The following ASPH variants were observed in gnomAD, a reference collection of about 807,000 sequenced individuals.
ASPH encodes the protein aspartyl/asparaginyl beta-hydroxylase.
In ASPH, 100 loss-of-function variants were observed where a neutral mutation model predicts 118.4. That is an observed-to-expected ratio of 0.84 (90% CI 0.72 to 1.00). The LOEUF (loss-of-function observed/expected upper bound fraction) is 1.00, where lower values mean the gene tolerates loss of function less well. ASPH is among the 50% of genes least tolerant of loss of function. ASPH has a pLI of 0.00. For missense variants in ASPH, 920 were observed against 919.5 expected (o/e 1.00, Z -0.01); for synonymous variants, 315 against 325.6 (o/e 0.97, Z 0.35).
chr8:61,508,585 A>G (rs1807562763), intron 24 of ASPH, among the ~76,000 whole-genome samples: 1 of 152,228 alleles, frequency 6.6e-6, no homozygotes, highest in Non-Finnish European at 1.5e-5. Flanking sequence ...TATAGATAAT[A>G]TCTTAGCTAT....
At chr8:61,633,542 A>G in intron 13 of ASPH, 141 bp downstream of exon 13, 1 of 690,190 alleles carries the variant, frequency 1.4e-6, no homozygotes, top group Non-Finnish European at 2.3e-6. Flanking sequence ...ACTGATCAAA[A>G]CAGAAAAATT....
chr8:61,506,807 A>T (rs1462206909), intron 24 of ASPH, among the ~76,000 whole-genome samples: 1 of 152,234 alleles, frequency 6.6e-6, no homozygotes, highest in Non-Finnish European at 1.5e-5. Context: ...GTGGTATGTT[A>T]TCAAAAATGA....
intron 16 of ASPH, among the ~76,000 whole-genome samples, chr8:61,568,735 A>G (rs1832588372): frequency 6.6e-6 from 1 of 152,202 alleles, no homozygotes; most frequent in Non-Finnish European, 1.5e-5. Context: ...AAAGAACTCC[A>G]ATGTTTAAAG....
intron 7 of ASPH, 50 bp from the exon 8 acceptor site, chr8:61,644,051 T>G (rs746504535): frequency 7.3e-7 from 1 of 1,377,422 alleles, no homozygotes; most frequent in Non-Finnish European, 1.0e-6. Flanking sequence ...AAGGAATACA[T>G]GTAATATTCG....
intron 14 of ASPH, chr8:61,607,305 C>T: frequency 1.4e-6 from 1 of 702,088 alleles, no homozygotes; most frequent in African/African-American, 1.7e-5. Context: ...TGGCTTTCAC[C>T]AGACGCAAAT....
At chr8:61,644,666 CT>C in intron 6 of ASPH, 34 bp from the exon 7 acceptor site, 1 of 1,544,648 alleles carries the variant, frequency 6.5e-7, no homozygotes, top group Non-Finnish European at 8.8e-7. Context: ...ATATTTACTG[CT>C]TTTACAAAAT....
At chr8:61,585,783 G>A (rs1402571953) in intron 14 of ASPH, among the ~76,000 whole-genome samples, 20 of 152,102 alleles carry the variant, frequency 1.3e-4, no homozygotes, top group Admixed American at 1.3e-3. Context: ...GAGGAGGGAA[G>A]GCTGTGTGGT....
At chr8:61,545,947 C>T (rs573737949) in intron 21 of ASPH, among the ~76,000 whole-genome samples, 1 of 152,294 alleles carries the variant, frequency 6.6e-6, no homozygotes, top group East Asian at 1.9e-4. Context: ...GAGAGGTACA[C>T]CCTCTCTCCT....
At chr8:61,637,790 G>A (rs753693537) in intron 12 of ASPH, among the ~76,000 whole-genome samples, 157 bp downstream of exon 12, 6 of 152,206 alleles carry the variant, frequency 3.9e-5, no homozygotes, top group Non-Finnish European at 5.9e-5. Flanking sequence ...TGGAATGCCA[G>A]CCCCAATGAA....
rs543803690 is a variant in ASPH, at chr8:61,646,280, G to C, written c.619+470C>G. On this transcript the variant is annotated intron_variant, in intron 6 of 24. Coordinates refer to ENST00000379454, the MANE Select transcript of ASPH (RefSeq NM_004318.4). ...AGAGTTGAGTAGCTGAACAGAGTCT[G>C]TACGATCCAGAAAACCTGAAATATT... is the stretch of plus-strand genomic sequence containing the variant. Among the ~76,000 whole-genome samples the C allele has an allele frequency of 5.9e-5, 9 of 152,254 alleles. No homozygotes were observed. The East Asian group carries it at 1.2e-3, about 20-fold the overall frequency.
intron 22 of ASPH, among the ~76,000 whole-genome samples, chr8:61,519,356 T>G (rs1431219497): frequency 1.3e-5 from 2 of 152,184 alleles, no homozygotes; most frequent in Admixed American, 6.6e-5. Context: ...TCTGCAAATT[T>G]TTTTCAGATT....
At chr8:61,559,111 A>G (rs1828901880) in intron 18 of ASPH, among the ~76,000 whole-genome samples, 1 of 152,196 alleles carries the variant, frequency 6.6e-6, no homozygotes, top group African/African-American at 2.4e-5. Flanking sequence ...TGATACAGGC[A>G]TACTATGCAT....
At chr8:61,558,243 C>T (rs1828586212) in intron 18 of ASPH, among the ~76,000 whole-genome samples, 1 of 152,038 alleles carries the variant, frequency 6.6e-6, no homozygotes, top group Non-Finnish European at 1.5e-5. Flanking sequence ...TGGGTGGGGC[C>T]AAGCTCTGAA....
chr8:61,662,962 A>C, intron 3 of ASPH: 1 of 985,440 alleles, frequency 1.0e-6, no homozygotes, highest in Non-Finnish European at 1.2e-6. Flanking sequence ...CTTAAAAACT[A>C]AGGTAAAAAT....
intron 14 of ASPH, chr8:61,607,262 T>C (rs1332234931): frequency 1.4e-6 from 1 of 702,376 alleles, no homozygotes; most frequent in African/African-American, 1.7e-5. Context: ...CATGAAAGGA[T>C]GGCTGAAGTC....
intron 3 of ASPH, among the ~76,000 whole-genome samples, chr8:61,676,516 ACAATTTGAC>A (rs982396927): frequency 6.6e-6 from 1 of 152,178 alleles, no homozygotes; most frequent in African/African-American, 2.4e-5. Context: ...AAAGAAAGCC[ACAATTTGAC>A]CAAGCCTCAC....
chr8:61,646,682 G>A (rs1201201383), intron 6 of ASPH, 68 bp downstream of exon 6: 2 of 1,477,222 alleles, frequency 1.4e-6, no homozygotes, highest in African/African-American at 2.8e-5. Flanking sequence ...AGGGGTTTAA[G>A]AAAAACTTCA....
At chr8:61,648,417 T>A (rs889596046) in intron 5 of ASPH, among the ~76,000 whole-genome samples, 1 of 152,214 alleles carries the variant, frequency 6.6e-6, no homozygotes, top group African/African-American at 2.4e-5. Flanking sequence ...CTTCTCCTCA[T>A]AGCTTGCAAT....
At chr8:61,610,834 T>A (rs1847093723) in intron 14 of ASPH, among the ~76,000 whole-genome samples, 1 of 152,130 alleles carries the variant, frequency 6.6e-6, no homozygotes, top group African/African-American at 2.4e-5. Context: ...GGCTAAAGCA[T>A]CTCCAGTGGG....
Sources: allele counts gnomAD v4.1 joint callset (sites outside exome capture counted in the v4.1 genomes callset), GRCh38; gene constraint gnomAD v4.1.1; transcripts MANE v1.5; gene names NCBI Gene and HGNC (gene_info 2026-07-23, HGNC 2026-07-21).